UPRT: variants seen among roughly 807,000 people sequenced by gnomAD.
UPRT encodes uracil phosphoribosyltransferase homolog.
In UPRT, 5 loss-of-function variants were observed where a neutral mutation model predicts 22.6. The observed-to-expected ratio is 0.22, with a 90% CI of 0.12 to 0.47. The LOEUF (loss-of-function observed/expected upper bound fraction) is 0.47. Among genes scored for constraint, UPRT ranks in the 20% least tolerant of loss-of-function variants. The pLI is 0.99. For missense variants in UPRT, 181 were observed against 239.9 expected, an observed-to-expected ratio of 0.75 and a Z score of 1.62; for synonymous variants, 77 against 87.7, an observed-to-expected ratio of 0.88 and a Z score of 0.68.
chrX:75,220,072 T>G (rs1332652786), intron 4 of UPRT, among the ~76,000 whole-genome samples: 1 of 111,197 alleles, frequency 9.0e-6, no homozygotes, highest in Non-Finnish European at 1.9e-5. Flanking sequence ...AATATGTGCT[T>G]TATATATGTG....
chrX:75,262,526 A>G (rs1408758325), intron 4 of UPRT, among the ~76,000 whole-genome samples: 1 of 111,787 alleles, frequency 8.9e-6, no homozygotes, highest in Admixed American at 9.6e-5. Context: ...GGTGTGCTGT[A>G]TTCAGAAGAC....
chrX:75,225,993 C>G (rs1374915575), intron 4 of UPRT, among the ~76,000 whole-genome samples: 1 of 111,408 alleles, frequency 9.0e-6, no homozygotes, highest in Non-Finnish European at 1.9e-5. Context: ...TTGATCTATA[C>G]CTCACCCTAA....
intron 4 of UPRT, among the ~76,000 whole-genome samples, chrX:75,262,851 T>C (rs1156447069): frequency 9.0e-6 from 1 of 111,184 alleles, no homozygotes; most frequent in Non-Finnish European, 1.9e-5. Context: ...CACACAAAAA[T>C]AGTGGGAGAC....
At chrX:75,164,513 GA>G (rs1264968041) in intron 3 of UPRT, among the ~76,000 whole-genome samples, 1 of 111,217 alleles carries the variant, frequency 9.0e-6, no homozygotes, top group Non-Finnish European at 1.9e-5. Flanking sequence ...TATGCTAAGT[GA>G]AAAAAACAAA....
intron 1 of UPRT, among the ~76,000 whole-genome samples, chrX:75,288,875 A>T (rs886691945): frequency 9.8e-5 from 11 of 111,703 alleles, no homozygotes; most frequent in Non-Finnish European, 2.1e-4. Context: ...AGGCAACCAG[A>T]TAGGAAAAGA....
At chrX:75,171,622 G>T (rs1447276526) in intron 4 of UPRT, among the ~76,000 whole-genome samples, 1 of 97,810 alleles carries the variant, frequency 1.0e-5, no homozygotes, top group Non-Finnish European at 2.0e-5. Flanking sequence ...GTGAGCTAGT[G>T]TGATTTTTGG....
chrX:75,173,600 C>A (rs1042736347), intron 4 of UPRT, among the ~76,000 whole-genome samples: 1 of 112,824 alleles, frequency 8.9e-6, no homozygotes, highest in Admixed American at 9.3e-5. Flanking sequence ...TGCGCTCACA[C>A]TCCTCAGCCC....
At chrX:75,215,744 A>G (rs1040171538) in intron 4 of UPRT, among the ~76,000 whole-genome samples, 11 of 111,706 alleles carry the variant, frequency 9.8e-5, no homozygotes, top group African/African-American at 3.2e-4. Context: ...CCCTGGTGAC[A>G]GGATCCATAC....
chrX:75,218,955 G>T lies in UPRT; in HGVS notation c.-447+51076G>T, dbSNP rs1311311772. ...CTAATGCTAAATAATGAGTTAATGG[G>T]TGCAGCACACCGGCATGACACATGT... On this transcript the variant is annotated intron_variant, in intron 4 of 13. Coordinates refer to the UPRT transcript ENST00000652605. 8.1e-5 allele frequency among the ~76,000 whole-genome samples: 9 copies of T among 110,530 alleles called. No individual in the cohort carries two copies. In the East Asian group the frequency reaches 2.5e-3, roughly 31 times the overall value.
chrX:75,288,905 T>C (rs1199072915), intron 1 of UPRT, among the ~76,000 whole-genome samples: 1 of 111,775 alleles, frequency 8.9e-6, no homozygotes, highest in African/African-American at 3.3e-5. Flanking sequence ...ACTATCTCTC[T>C]TCATGGAAAA....
At chrX:75,290,559 C>A (rs2147698406) in intron 1 of UPRT, among the ~76,000 whole-genome samples, 1 of 111,859 alleles carries the variant, frequency 8.9e-6, no homozygotes, top group Admixed American at 9.5e-5. Context: ...TGCCCATCAA[C>A]AGTGGATTGG....
At chrX:75,298,234 C>T (rs1170758036) in intron 4 of UPRT, among the ~76,000 whole-genome samples, 1 of 109,474 alleles carries the variant, frequency 9.1e-6, no homozygotes, top group Non-Finnish European at 1.9e-5. Context: ...TCCAGTGATG[C>T]TCCTGCCTCA....
intron 1 of UPRT, among the ~76,000 whole-genome samples, chrX:75,283,101 C>G (rs570695676): frequency 8.9e-6 from 1 of 111,893 alleles, no homozygotes; most frequent in Non-Finnish European, 1.9e-5. Flanking sequence ...TACTCCAGCT[C>G]GGTTTTGGTG....
intron 4 of UPRT, among the ~76,000 whole-genome samples, chrX:75,258,371 G>C (rs1402204930): frequency 9.1e-6 from 1 of 110,159 alleles, no homozygotes; most frequent in Non-Finnish European, 1.9e-5. Flanking sequence ...AAGATCCACT[G>C]GCTTGAAATT....
intron 4 of UPRT, among the ~76,000 whole-genome samples, chrX:75,258,862 C>A (rs187247398): frequency 2.3e-4 from 26 of 111,810 alleles, no homozygotes; most frequent in African/African-American, 7.8e-4. Flanking sequence ...ACACCTCATA[C>A]AGGAGAGCTC....
intron 4 of UPRT, among the ~76,000 whole-genome samples, chrX:75,239,258 A>G (rs1398106084): frequency 8.9e-6 from 1 of 112,019 alleles, no homozygotes; most frequent in Non-Finnish European, 1.9e-5. Context: ...AAGCTGAATT[A>G]GAAATAAAAT....
At chrX:75,264,024 A>G (rs772310787) in intron 4 of UPRT, among the ~76,000 whole-genome samples, 2 of 111,537 alleles carry the variant, frequency 1.8e-5, no homozygotes, top group Non-Finnish European at 3.8e-5. Flanking sequence ...GTAGTTGATC[A>G]GTTTTGAGTG....
intron 4 of UPRT, among the ~76,000 whole-genome samples, chrX:75,228,603 T>A (rs1425449790): frequency 8.9e-6 from 1 of 112,263 alleles, no homozygotes; most frequent in African/African-American, 3.2e-5. Flanking sequence ...TTGCTTTTTC[T>A]TCTTTTTTTA....
chrX:75,220,745 G>GT (rs999371109), intron 4 of UPRT, among the ~76,000 whole-genome samples: 5 of 111,288 alleles, frequency 4.5e-5, no homozygotes, highest in African/African-American at 1.6e-4. Context: ...TTAACTTTTT[G>GT]TTTTTTCTAT....
Sources: gnomAD v4.1 joint callset for allele counts (sites outside exome capture counted in the v4.1 genomes callset) on GRCh38, gnomAD v4.1.1 for gene constraint, MANE v1.5 for transcripts, NCBI Gene and HGNC (gene_info 2026-07-23, HGNC 2026-07-21) for gene names.